Variants in KIDINS220 observed in about 807,000 individuals in gnomAD.
The protein encoded by KIDINS220 is kinase D interacting substrate 220, also known as kinase D-interacting substrate of 220 kDa.
KIDINS220 carries 63 observed loss-of-function variants against 157.6 expected under a neutral mutation model. The ratio of observed to expected loss-of-function variants is 0.40; its 90% confidence interval spans 0.33 to 0.49. The LOEUF (loss-of-function observed/expected upper bound fraction) is 0.49. KIDINS220 is among the 20% of genes least tolerant of loss of function. KIDINS220 has a pLI of 0.66. For synonymous variants in KIDINS220, 732 were observed against 783.6 expected (o/e 0.93, Z 1.10); for missense variants, 1,772 against 2,171.2 (o/e 0.82, Z 3.65).
At chr2:8,721,702 T>C (rs1324134597), downstream of KIDINS220, 1 of 152,202 alleles carries the variant, frequency 6.6e-6, no homozygotes, top group East Asian at 1.9e-4. Context: ...ACGGTAAGTA[T>C]CACGTCAAGA....
At chr2:8,779,264 A>G in intron 18 of KIDINS220, 125 bp from the exon 19 acceptor site, 2 of 1,274,446 alleles carry the variant, frequency 1.6e-6, no homozygotes, top group South Asian at 1.5e-5. Context: ...CTTTTCATCA[A>G]AACTTACTCT....
Position 8,747,950 on chromosome 2 carries a change from G to GACGT in KIDINS220, c.3464_3465insACGT (p.Gln1156ArgfsTer31). 6.2e-7 allele frequency: 1 copy of GACGT among 1,605,604 alleles called. No individual in the cohort carries two copies. The highest frequency in any genetic ancestry group is 1.1e-5 in the South Asian group (1 of 89,696). ...CTGATGGACGTGAGATGAGATGTTG[G>GACGT]GAGCCGCCAGGGTAATACCTTGGCG... On this transcript the variant is annotated frameshift_variant, in exon 25 of 30. Coordinates refer to ENST00000256707, the MANE Select transcript of KIDINS220 (RefSeq NM_020738.4). LOFTEE classifies it high-confidence loss of function.
chr2:8,730,199 C>A lies in KIDINS220; in HGVS notation c.*521G>T, dbSNP rs1439118546. 1 of 986,750 alleles carries A rather than the reference C, an allele frequency of 1.0e-6. No individual in the cohort carries two copies. The highest frequency in any genetic ancestry group is 1.2e-6 in the Non-Finnish European group (1 of 831,058). The allele number at this position is 986,750 out of a possible 1,614,324, so 61.1% of individuals were successfully genotyped here. ...TTCAGAACCTCTGTGATAAGCAATA[C>A]CCCTGCCATACAGAACGCTGGATCT... On this transcript the variant is annotated 3_prime_UTR_variant, in exon 30 of 30. Coordinates refer to ENST00000256707, the MANE Select transcript of KIDINS220 (RefSeq NM_020738.4).
chr2:8,768,834 C>A (rs1179679758), intron 22 of KIDINS220, among the ~76,000 whole-genome samples: 1 of 152,092 alleles, frequency 6.6e-6, no homozygotes, highest in Non-Finnish European at 1.5e-5. Context: ...ATCAAAGTGT[C>A]TTCCTATAGT....
chr2:8,755,244 T>G (rs561264433), intron 22 of KIDINS220, among the ~76,000 whole-genome samples: 2 of 152,352 alleles, frequency 1.3e-5, no homozygotes, highest in South Asian at 4.1e-4. Context: ...TTGTGCTCGG[T>G]GCAATTTCCC....
chr2:8,749,189 A>G (rs1666976847), intron 24 of KIDINS220, among the ~76,000 whole-genome samples: 1 of 152,222 alleles, frequency 6.6e-6, no homozygotes, highest in Non-Finnish European at 1.5e-5. Flanking sequence ...TCAAAAACTG[A>G]AAGTTTAAAT....
intron 27 of KIDINS220, 124 bp downstream of exon 27, chr2:8,736,744 G>A (rs1041456977): frequency 9.6e-7 from 1 of 1,038,222 alleles, no homozygotes; most frequent in Non-Finnish European, 1.4e-6. Flanking sequence ...TTTCCATTTA[G>A]AGCTTTCCCA....
chr2:8,735,557 G>A (rs533738627), intron 27 of KIDINS220, among the ~76,000 whole-genome samples: 1 of 152,108 alleles, frequency 6.6e-6, no homozygotes, highest in South Asian at 2.1e-4. Context: ...TCATAAAAAA[G>A]GAAGTTATTA....
At chr2:8,806,520 T>A in intron 6 of KIDINS220, 151 bp from the exon 7 acceptor site, 3 of 545,814 alleles carry the variant, frequency 5.5e-6, no homozygotes, top group Non-Finnish European at 9.4e-6. Flanking sequence ...ATAAATCCTA[T>A]TTCTCCCATT....
chr2:8,826,787 A>C (rs1458521296), intron 2 of KIDINS220, 199 bp downstream of exon 2: 1 of 338,322 alleles, frequency 3.0e-6, no homozygotes, highest in Non-Finnish European at 5.3e-6. Context: ...TCTAAATTCA[A>C]CAGTCATTTA....
At chr2:8,837,272 G>A in intron 1 of KIDINS220, among the ~76,000 whole-genome samples, 1 of 152,034 alleles carries the variant, frequency 6.6e-6, no homozygotes, top group East Asian at 1.9e-4. Context: ...TCCAGGAAAC[G>A]CGGACTCGCC....
chr2:8,737,710 CT>C (rs1460104984), intron 26 of KIDINS220, among the ~76,000 whole-genome samples: 2 of 152,204 alleles, frequency 1.3e-5, no homozygotes, highest in East Asian at 3.8e-4. Flanking sequence ...AATGTGGATA[CT>C]AACAAACCAG....
At position 8,729,587 on chromosome 2, in the gene KIDINS220, T is replaced by G. The variant is rs1663751507; in HGVS notation, c.*1133A>C. On this transcript the variant is annotated 3_prime_UTR_variant, in exon 30 of 30. Coordinates refer to ENST00000256707, the MANE Select transcript of KIDINS220 (RefSeq NM_020738.4). ...TTTACAGTCACAGCACTTATATAGA[T>G]ATATATATATATTTTACCCTTGCTT... The G allele has an allele frequency of 6.6e-6, 6 of 912,594 alleles. No homozygotes were observed. The highest frequency in any genetic ancestry group is 1.0e-4 in the South Asian group (2 of 19,890). The allele number at this position is 912,594 out of a possible 1,614,324, so 56.5% of individuals were successfully genotyped here.
rs140222575 is a variant in KIDINS220 at position 8,827,052 on chromosome 2, C to T, written c.42G>A (p.Glu14=). Residue 14 remains glutamate (E), a synonymous_variant, in exon 2 of 30, where the codon GAG becomes GAA. Coordinates refer to ENST00000256707, the MANE Select transcript of KIDINS220 (RefSeq NM_020738.4). ...LISQSVINYV[E]EENIPALKAL... ...CTTTCAGAGCAGGAATGTTTTCTTC[C>T]TCTACATAATTTATGACGCTCTGTG... 7 of 1,609,646 alleles carry T rather than the reference C, an allele frequency of 4.3e-6. No individual in the cohort carries two copies. The African/African-American group carries it at 5.3e-5, about 12-fold the overall frequency.
intron 26 of KIDINS220, 27 bp from the exon 27 acceptor site, chr2:8,737,026 T>TATGA: frequency 6.2e-7 from 1 of 1,611,826 alleles, no homozygotes; most frequent in Non-Finnish European, 8.5e-7. Flanking sequence ...AAAATACAGG[T>TATGA]ATGAATAAGC....
Position 8,750,156 on chromosome 2 carries a change from A to G in KIDINS220, c.3370T>C (p.Tyr1124His). Residue 1124 changes from tyrosine (Y) to histidine (H), a missense_variant, in exon 24 of 30, where the codon TAT becomes CAT. Physicochemically the swap from Tyr to His is moderately conservative, Grantham distance 83 (BLOSUM62 2). Around this residue, in one of 3 missense-constraint regions of KIDINS220, gnomAD observed 793 missense variants for 885.5 expected, o/e 0.90. Transcript: ENST00000256707. ...TGAGGGCCCGTCATGCCGCTGTAAT[A>G]GCTGCTGTGAGGCTGTGGTGACACC... is the stretch of plus-strand genomic sequence containing the variant. ...GVVSPQPHSSYYSGMTGPQHP... is the reference protein window; with the variant it reads ...GVVSPQPHSSHYSGMTGPQHP... The G allele has an allele frequency of 6.2e-7, 1 of 1,614,170 alleles. No homozygotes were observed. The highest frequency in any genetic ancestry group is 1.1e-5 in the South Asian group (1 of 91,092).
chr2:8,797,634 C>A (rs1160101497), intron 10 of KIDINS220, among the ~76,000 whole-genome samples: 5 of 152,212 alleles, frequency 3.3e-5, no homozygotes, highest in Admixed American at 2.0e-4. Context: ...TTGCTTTATT[C>A]ATTAAGAATT....
chr2:8,727,713 A>G (rs1319252506), downstream of KIDINS220, among the ~76,000 whole-genome samples: 1 of 152,246 alleles, frequency 6.6e-6, no homozygotes, highest in Non-Finnish European at 1.5e-5. Context: ...ATTTAAAATT[A>G]CTTGGCTAGG....
At chr2:8,804,727 C>T (rs1190931113) in intron 7 of KIDINS220, among the ~76,000 whole-genome samples, 1 of 152,214 alleles carries the variant, frequency 6.6e-6, no homozygotes, top group Non-Finnish European at 1.5e-5. Flanking sequence ...ACAATTTGTA[C>T]TACGTATAGG....
Sources: gnomAD v4.1 joint callset for allele counts (sites outside exome capture counted in the v4.1 genomes callset) on GRCh38, gnomAD v4.1.1 for gene constraint, gnomAD v4.1.1 regional missense constraint, MANE v1.5 for transcripts, NCBI Gene and HGNC (gene_info 2026-07-23, HGNC 2026-07-21) for gene names.